Variants in WWOX observed in about 807,000 individuals in gnomAD.
The protein encoded by WWOX is WW domain-containing oxidoreductase.
In WWOX, 69 loss-of-function variants were observed where a neutral mutation model predicts 46.2. The ratio of observed to expected loss-of-function variants is 1.49; its 90% CI spans 1.23 to 1.82. The LOEUF (loss-of-function observed/expected upper bound fraction) is 1.82. WWOX is among the 40% of genes most tolerant of loss of function. The pLI, the probability that WWOX is intolerant of heterozygous loss-of-function variation, is 0.00. For missense variants in WWOX, 919 were observed against 542.6 expected, an observed-to-expected ratio of 1.69 and a Z score of -6.89; for synonymous variants, 359 against 202.6, an observed-to-expected ratio of 1.77 and a Z score of -6.56.
At chr16:78,522,962 C>T (rs772834272) in intron 8 of WWOX, among the ~76,000 whole-genome samples, 4 of 152,170 alleles carry the variant, frequency 2.6e-5, no homozygotes, top group African/African-American at 7.2e-5. Context: ...ATCCCAGCTA[C>T]CTGGGAGGCT....
chr16:78,500,295 C>A (rs1422168999), intron 8 of WWOX, among the ~76,000 whole-genome samples: 1 of 152,168 alleles, frequency 6.6e-6, no homozygotes, highest in Non-Finnish European at 1.5e-5. Context: ...CCTAAGTCTC[C>A]ATTCCGCTTG....
chr16:78,907,556 C>A (rs1345170072), intron 8 of WWOX, among the ~76,000 whole-genome samples: 4 of 152,118 alleles, frequency 2.6e-5, no homozygotes, highest in African/African-American at 7.2e-5. Flanking sequence ...GTTAGCTTGG[C>A]CCAAGCCCAG....
intron 6 of WWOX, among the ~76,000 whole-genome samples, chr16:78,417,285 G>T (rs1229855292): frequency 1.3e-5 from 2 of 151,578 alleles, no homozygotes; most frequent in South Asian, 4.2e-4. Flanking sequence ...TAGAGATGAG[G>T]TCTTGCTATG....
At chr16:78,916,545 G>C (rs577907249) in intron 8 of WWOX, among the ~76,000 whole-genome samples, 1 of 152,116 alleles carries the variant, frequency 6.6e-6, no homozygotes, top group Non-Finnish European at 1.5e-5. Context: ...CCATCCAATG[G>C]ATTTTGAATA....
intron 8 of WWOX, among the ~76,000 whole-genome samples, chr16:78,903,279 G>C (rs1217754976): frequency 6.6e-6 from 1 of 152,188 alleles, no homozygotes; most frequent in African/African-American, 2.4e-5. Context: ...CTGAAGTGAA[G>C]TTACAAATAT....
At chr16:79,022,635 G>C (rs532686613) in intron 8 of WWOX, among the ~76,000 whole-genome samples, 1 of 152,284 alleles carries the variant, frequency 6.6e-6, no homozygotes, top group East Asian at 1.9e-4. Context: ...AAGTGTTCCT[G>C]GTTGTGGCAT....
chr16:78,565,559 T>A (rs1444581463), intron 8 of WWOX, among the ~76,000 whole-genome samples: 2 of 152,358 alleles, frequency 1.3e-5, no homozygotes, highest in African/African-American at 2.4e-5. Flanking sequence ...TCATTGGGAA[T>A]ACCCAGATAA....
intron 5 of WWOX, among the ~76,000 whole-genome samples, chr16:78,205,225 C>G (rs1049439830): frequency 6.6e-6 from 1 of 152,032 alleles, no homozygotes; most frequent in African/African-American, 2.4e-5. Context: ...TCATGGAAGA[C>G]TTTGTGGAAG....
At chr16:78,893,488 C>T (rs1472261257) in intron 8 of WWOX, among the ~76,000 whole-genome samples, 1 of 152,162 alleles carries the variant, frequency 6.6e-6, no homozygotes, top group African/African-American at 2.4e-5. Context: ...GAACAAGTGC[C>T]TGAAATAGAG....
rs779422651 is a variant in WWOX, at chr16:78,338,765, G to GTTTTC, written c.517-48092_517-48088dup. Among the ~76,000 whole-genome samples, 11 of 120,372 alleles carry GTTTTC rather than the reference G, an allele frequency of 9.1e-5. 1 individual carries two copies. Among genetic ancestry groups the GTTTTC allele is most frequent in the Admixed American group, 5.6e-4 (7 of 12,430 alleles). 79.0% of individuals were successfully genotyped at this position (120,372 alleles called of 152,430 possible). On this transcript the variant is annotated intron_variant, in intron 5 of 8. Coordinates refer to ENST00000566780, the MANE Select transcript of WWOX (RefSeq NM_016373.4). ...GCCTTTTTATTTCTTCTCTTTTTCT[G>GTTTTC]TTTTCTTCTTCCATTTTTATGTTTT...
intron 8 of WWOX, among the ~76,000 whole-genome samples, chr16:78,664,305 T>TC (rs1275019583): frequency 6.6e-6 from 1 of 152,150 alleles, no homozygotes; most frequent in Non-Finnish European, 1.5e-5. Context: ...ACACCCTGAC[T>TC]CCCAGTGTGG....
intron 6 of WWOX, among the ~76,000 whole-genome samples, chr16:78,412,734 C>T (rs148104468): frequency 2.0e-4 from 31 of 152,218 alleles, no homozygotes; most frequent in Non-Finnish European, 3.4e-4. Context: ...CACTCCTCGC[C>T]AGGCAGTTTT....
At chr16:78,289,554 G>A (rs1019013831) in intron 5 of WWOX, among the ~76,000 whole-genome samples, 2 of 152,080 alleles carry the variant, frequency 1.3e-5, no homozygotes, top group Admixed American at 6.5e-5. Context: ...CCCAACAATC[G>A]GTTCCGCTGT....
At chr16:78,204,014 G>A (rs542193154) in intron 5 of WWOX, among the ~76,000 whole-genome samples, 26 of 152,296 alleles carry the variant, frequency 1.7e-4, no homozygotes, top group Admixed American at 5.9e-4. Flanking sequence ...TGGCGGTGTG[G>A]CCACTGACAC....
chr16:78,189,816 A>G (rs1024690920), intron 5 of WWOX, among the ~76,000 whole-genome samples: 4 of 151,998 alleles, frequency 2.6e-5, no homozygotes, highest in African/African-American at 9.7e-5. Flanking sequence ...CACCACGCTC[A>G]GCTAATTTTT....
chr16:78,795,891 A>C (rs960728744), intron 8 of WWOX, among the ~76,000 whole-genome samples: 4 of 152,168 alleles, frequency 2.6e-5, no homozygotes, highest in African/African-American at 9.7e-5. Flanking sequence ...ATTACTGTCA[A>C]GTGGAAACAA....
At chr16:78,211,995 A>G (rs1382752783) in intron 5 of WWOX, among the ~76,000 whole-genome samples, 1 of 152,200 alleles carries the variant, frequency 6.6e-6, no homozygotes, top group Non-Finnish European at 1.5e-5. Context: ...GTACATAATC[A>G]TGGGAGCTCT....
intron 1 of WWOX, among the ~76,000 whole-genome samples, chr16:78,106,421 GTT>G (rs34551316): frequency 2.4e-5 from 3 of 122,960 alleles, no homozygotes; most frequent in Admixed American, 8.9e-5. Context: ...GTTTTTTTTT[GTT>G]TTTTTTTTTT....
intron 8 of WWOX, among the ~76,000 whole-genome samples, chr16:78,708,096 C>A (rs1597472326): frequency 6.6e-6 from 1 of 152,096 alleles, no homozygotes. Flanking sequence ...GAGGCAGAGG[C>A]AGGAATATCA....
Sources: gnomAD v4.1 joint callset for allele counts (sites outside exome capture counted in the v4.1 genomes callset) on GRCh38, gnomAD v4.1.1 for gene constraint, MANE v1.5 for transcripts, NCBI Gene and HGNC (gene_info 2026-07-23, HGNC 2026-07-21) for gene names.